The following RELN variants were observed in gnomAD, a reference collection of about 807,000 sequenced individuals.
The protein encoded by RELN is reelin.
In RELN, 108 loss-of-function variants were observed where a neutral mutation model predicts 427.6. The observed-to-expected ratio is 0.25, with a 90% CI of 0.22 to 0.30. RELN has a LOEUF of 0.30. RELN is among the 10% of genes least tolerant of loss of function. The pLI is 1.00. For synonymous variants in RELN, 1,524 were observed against 1,513.4 expected, an observed-to-expected ratio of 1.01 and a Z score of -0.16; for missense variants, 3,715 against 4,302.8, an observed-to-expected ratio of 0.86 and a Z score of 3.82.
At chr7:103,646,502 C>T (rs1376210136) in intron 16 of RELN, among the ~76,000 whole-genome samples, 1 of 151,784 alleles carries the variant, frequency 6.6e-6, no homozygotes, top group Non-Finnish European at 1.5e-5. Context: ...TCTTTATGTG[C>T]ACAATCCAGA....
At chr7:103,518,521 G>GTTTTTTTTTTTTTTTTTTTTT (rs1584258740) in intron 49 of RELN, among the ~76,000 whole-genome samples, 3 of 85,760 alleles carry the variant, frequency 3.5e-5, no homozygotes, top group African/African-American at 1.6e-4. Context: ...TTTTTTTTTG[G>GTTTTTTTTTTTTTTTTTTTTT]TAAAATGTCT....
chr7:103,759,540 T>C (rs1383190791), intron 4 of RELN, among the ~76,000 whole-genome samples: 1 of 152,148 alleles, frequency 6.6e-6, no homozygotes, highest in African/African-American at 2.4e-5. Flanking sequence ...TGTCTCTGTG[T>C]TGGTGATAGT....
In RELN at chr7:103,540,486, C is replaced by T. The variant is rs767491657; in HGVS notation, c.6672-31G>A. 4.3e-6 allele frequency: 7 copies of T among 1,610,406 alleles called. No homozygotes were observed. The South Asian group carries it at 6.6e-5, about 15-fold the overall frequency. ...ATTTGTAAACGTTACTGAAGACTTT[C>T]ACTTCCAAAAGAAATCCACATGCTT... On this transcript the variant is annotated intron_variant, in intron 43 of 64. Coordinates refer to ENST00000428762, the MANE Select transcript of RELN (RefSeq NM_005045.4).
chr7:103,523,338 G>A, intron 47 of RELN, 53 bp downstream of exon 47: 2 of 1,608,632 alleles, frequency 1.2e-6, no homozygotes, highest in East Asian at 2.2e-5. Context: ...AAATCTCCTA[G>A]ATGGAATGTG....
In RELN at chr7:103,640,674, A is replaced by G; in HGVS notation, c.2003-65T>C. 6.6e-7 allele frequency: 1 copy of G among 1,519,550 alleles called. No individual in the cohort carries two copies. Among genetic ancestry groups the G allele is most frequent in the Non-Finnish European group, 9.1e-7 (1 of 1,101,890 alleles). 94.1% of individuals were successfully genotyped at this position (1,519,550 alleles called of 1,614,324 possible). On this transcript the variant is annotated intron_variant, in intron 16 of 64. Transcript: ENST00000428762. This position sits in a 1 kb window ranked among gnomAD's most constrained non-coding sequence, Gnocchi z 4.1. Reference sequence around the variant, plus strand: ...GAACACTACCAGTACAATTTTGTGAAGTAATACTCATGAAATATGGCCCCT... The same window carrying G: ...GAACACTACCAGTACAATTTTGTGAGGTAATACTCATGAAATATGGCCCCT...
chr7:103,516,097 A>G (rs1829561376), intron 49 of RELN, among the ~76,000 whole-genome samples: 1 of 152,206 alleles, frequency 6.6e-6, no homozygotes, highest in African/African-American at 2.4e-5. Context: ...AGGGACAGAC[A>G]TGGAAAAATG....
chr7:103,623,240 C>T (rs1383818712), intron 20 of RELN, among the ~76,000 whole-genome samples: 1 of 152,174 alleles, frequency 6.6e-6, no homozygotes, highest in Non-Finnish European at 1.5e-5. Context: ...TGAGGTGGCT[C>T]CTGGGAGCCA....
At chr7:103,605,969 C>T (rs1384989069) in intron 22 of RELN, among the ~76,000 whole-genome samples, 1 of 152,178 alleles carries the variant, frequency 6.6e-6, no homozygotes, top group African/African-American at 2.4e-5. Context: ...ACCACCTCCT[C>T]TATGGTAATC....
chr7:103,871,857 T>C (rs1235990716), intron 2 of RELN, among the ~76,000 whole-genome samples: 1 of 152,004 alleles, frequency 6.6e-6, no homozygotes, highest in Non-Finnish European at 1.5e-5. Flanking sequence ...TATTTCAAGA[T>C]TTCTTTATTT....
At chr7:103,757,355 T>C (rs1584469032) in intron 4 of RELN, among the ~76,000 whole-genome samples, 1 of 152,168 alleles carries the variant, frequency 6.6e-6, no homozygotes, top group Non-Finnish European at 1.5e-5. Context: ...AATCATTGAA[T>C]TTTTCTAGAT....
At chr7:103,659,180 ACT>A (rs1180582469) in intron 12 of RELN, among the ~76,000 whole-genome samples, 1 of 151,240 alleles carries the variant, frequency 6.6e-6, no homozygotes, top group Non-Finnish European at 1.5e-5. Context: ...TTCCACACTT[ACT>A]CTCTTATACA....
In RELN at chr7:103,563,366, A is replaced by G. The variant is rs1466263705; in HGVS notation, c.5211-1413T>C. ...GTGTATGCCAAGGCTAATAATGTGT[A>G]TTTTTGTGTCTAAGTTTTTAAGAAA... On this transcript the variant is annotated intron_variant, in intron 34 of 64. Coordinates refer to ENST00000428762, the MANE Select transcript of RELN (RefSeq NM_005045.4). This position sits in a 1 kb window ranked among gnomAD's most constrained non-coding sequence, Gnocchi z 4.1. 6.6e-6 allele frequency among the ~76,000 whole-genome samples: 1 copy of G among 152,194 alleles called. No individual in the cohort carries two copies. The highest frequency in any genetic ancestry group is 1.5e-5 in the Non-Finnish European group (1 of 68,026).
At chr7:103,669,614 T>C (rs1833346759) in intron 11 of RELN, among the ~76,000 whole-genome samples, 1 of 152,034 alleles carries the variant, frequency 6.6e-6, no homozygotes, top group South Asian at 2.1e-4. Flanking sequence ...TGAAGTAAAA[T>C]TATAATATAA....
intron 45 of RELN, 121 bp downstream of exon 45, chr7:103,538,957 C>T: frequency 8.9e-7 from 1 of 1,119,366 alleles, no homozygotes; most frequent in South Asian, 1.3e-5. Context: ...TGGTTTGACT[C>T]AAAGTGCACT....
At chr7:103,788,748 A>T (rs1174558865) in intron 3 of RELN, among the ~76,000 whole-genome samples, 1 of 151,970 alleles carries the variant, frequency 6.6e-6, no homozygotes, top group African/African-American at 2.4e-5. Flanking sequence ...ATATCGTGAA[A>T]ATATACTGCC....
At chr7:103,920,574 T>TTG (rs1337860724) in intron 1 of RELN, among the ~76,000 whole-genome samples, 19 of 114,122 alleles carry the variant, frequency 1.7e-4, no homozygotes, top group African/African-American at 7.8e-4. Flanking sequence ...TTGGTTTTTT[T>TTG]TTTTGTTTTT....
intron 4 of RELN, among the ~76,000 whole-genome samples, chr7:103,758,772 G>A (rs780179308): frequency 1.3e-5 from 2 of 150,230 alleles, no homozygotes; most frequent in African/African-American, 2.5e-5. Flanking sequence ...TTCTTTTCCA[G>A]ATTCTTTTTC....
In RELN at chr7:103,511,013, CAAAA is replaced by C. The variant is rs774679180; in HGVS notation, c.8120-12_8120-9del. The C allele has an allele frequency of 2.5e-6, 4 of 1,610,274 alleles. No individual in the cohort carries two copies. The highest frequency in any genetic ancestry group is 2.7e-5 in the African/African-American group (2 of 74,836). On this transcript the variant is annotated splice_polypyrimidine_tract_variant and intron_variant, in intron 50 of 64. Coordinates refer to ENST00000428762, the MANE Select transcript of RELN (RefSeq NM_005045.4). Reference sequence around the variant, plus strand: ...ATAGCCAGTGCTCATTCACTTAAAACAAAAAAACAAAATTTTATGACAAATTTGT... The same window carrying C: ...ATAGCCAGTGCTCATTCACTTAAAACAAACAAAATTTTATGACAAATTTGT...
chr7:103,617,666 G>A (rs1046070069), intron 20 of RELN, among the ~76,000 whole-genome samples: 1 of 150,282 alleles, frequency 6.7e-6, no homozygotes, highest in African/African-American at 2.5e-5. Flanking sequence ...CATTTTATTT[G>A]TAGGGTACAA....
Sources: gnomAD v4.1 joint callset for allele counts (sites outside exome capture counted in the v4.1 genomes callset) on GRCh38, gnomAD v4.1.1 for gene constraint, Gnocchi (gnomAD v3.1) non-coding constraint, MANE v1.5 for transcripts, NCBI Gene and HGNC (gene_info 2026-07-23, HGNC 2026-07-21) for gene names.